Variants in HCRTR2 observed in about 807,000 individuals in gnomAD.
HCRTR2 encodes orexin receptor type 2.
A neutral mutation model predicts 49.0 loss-of-function variants in HCRTR2; 22 were observed. That is an observed-to-expected ratio of 0.45 (90% CI 0.32 to 0.64). HCRTR2 has a LOEUF of 0.64. Ranked by LOEUF, HCRTR2 falls within the 30% of genes least tolerant of loss-of-function variation. The pLI, the probability that HCRTR2 is intolerant of heterozygous loss-of-function variation, is 0.04. For synonymous variants in HCRTR2, 236 were observed against 205.3 expected (o/e 1.15, Z -1.28); for missense variants, 491 against 559.4 (o/e 0.88, Z 1.23).
chr6:55,206,880 G>GT (rs1361116655), intron 1 of HCRTR2, among the ~76,000 whole-genome samples: 1 of 151,996 alleles, frequency 6.6e-6, no homozygotes, highest in Non-Finnish European at 1.5e-5. Context: ...TTGACTTAGT[G>GT]TAAGTTTCCA....
chr6:55,140,035 GCATCT>G (rs1415628238), intron 1 of HCRTR2, among the ~76,000 whole-genome samples: 1 of 152,134 alleles, frequency 6.6e-6, no homozygotes, highest in Non-Finnish European at 1.5e-5. Context: ...TGACAAAGCT[GCATCT>G]CGGGATATGA....
chr6:55,208,654 T>C (rs566000285), intron 1 of HCRTR2, among the ~76,000 whole-genome samples: 5 of 152,334 alleles, frequency 3.3e-5, no homozygotes, highest in African/African-American at 9.6e-5. Flanking sequence ...TCTGCTCTGA[T>C]TCATGTGGAT....
chr6:55,209,499 G>T (rs1765660295), intron 1 of HCRTR2, among the ~76,000 whole-genome samples: 1 of 151,956 alleles, frequency 6.6e-6, no homozygotes, highest in Non-Finnish European at 1.5e-5. Flanking sequence ...ATTTTTTCAT[G>T]GTGTGTGTTT....
chr6:55,174,387 C>T (rs200530669), upstream of HCRTR2: 182 of 620,436 alleles, frequency 2.9e-4, no homozygotes, highest in Admixed American at 8.2e-4. Context: ...GCAACATCGC[C>T]TGTAAAGACA....
chr6:55,149,940 C>A (rs976052845), intron 1 of HCRTR2, among the ~76,000 whole-genome samples: 3 of 151,980 alleles, frequency 2.0e-5, no homozygotes, highest in Admixed American at 6.6e-5. Context: ...AAATTCTAAT[C>A]AATGTTTTTT....
intron 1 of HCRTR2, among the ~76,000 whole-genome samples, chr6:55,116,218 T>C (rs1764114023): frequency 6.6e-6 from 1 of 151,702 alleles, no homozygotes; most frequent in African/African-American, 2.4e-5. Context: ...TTATAAGAAA[T>C]GGCCAGTAAA....
upstream of HCRTR2, among the ~76,000 whole-genome samples, chr6:55,172,737 T>C (rs527723567): frequency 1.3e-5 from 2 of 151,752 alleles, no homozygotes; most frequent in South Asian, 4.1e-4. Flanking sequence ...GGGTTAGTAA[T>C]AGCTAAGCCC....
chr6:55,118,949 C>T (rs953210091), intron 1 of HCRTR2, among the ~76,000 whole-genome samples: 1 of 151,878 alleles, frequency 6.6e-6, no homozygotes, highest in Non-Finnish European at 1.5e-5. Flanking sequence ...CCCCCAACCC[C>T]CTAACAGGCT....
intron 1 of HCRTR2, among the ~76,000 whole-genome samples, chr6:55,107,484 T>A (rs1015078658): frequency 3.3e-5 from 5 of 152,136 alleles, no homozygotes; most frequent in Non-Finnish European, 7.4e-5. Flanking sequence ...GCATAAGTAC[T>A]TACTTACTAT....
intron 1 of HCRTR2, among the ~76,000 whole-genome samples, chr6:55,196,395 A>G (rs1227289397): frequency 2.0e-5 from 3 of 152,208 alleles, no homozygotes; most frequent in African/African-American, 7.2e-5. Context: ...TGTGGGAGAT[A>G]AATGAACTTT....
At chr6:55,147,069 A>G (rs2127256155) in intron 1 of HCRTR2, among the ~76,000 whole-genome samples, 1 of 152,328 alleles carries the variant, frequency 6.6e-6, no homozygotes, top group Non-Finnish European at 1.5e-5. Context: ...GGGAGCTATC[A>G]GCTTAGGGGA....
At chr6:55,275,019 T>C (rs1341048771) in intron 4 of HCRTR2, among the ~76,000 whole-genome samples, 1 of 152,188 alleles carries the variant, frequency 6.6e-6, no homozygotes, top group Non-Finnish European at 1.5e-5. Context: ...GTCATCTTTG[T>C]CTTTCAAGGG....
chr6:55,239,683 C>A (rs1766283836), intron 1 of HCRTR2, among the ~76,000 whole-genome samples: 1 of 152,022 alleles, frequency 6.6e-6, no homozygotes, highest in Admixed American at 6.6e-5. Flanking sequence ...AAATATTTGT[C>A]CAATTAGAGA....
intron 1 of HCRTR2, among the ~76,000 whole-genome samples, chr6:55,214,766 A>G (rs1765758984): frequency 6.6e-6 from 1 of 152,122 alleles, no homozygotes; most frequent in African/African-American, 2.4e-5. Flanking sequence ...AAAAAGAATC[A>G]AACAAAATTT....
intron 4 of HCRTR2, among the ~76,000 whole-genome samples, chr6:55,265,724 C>A (rs571063145): frequency 6.6e-6 from 1 of 152,120 alleles, no homozygotes; most frequent in African/African-American, 2.4e-5. Flanking sequence ...ATACAGAAGT[C>A]AAAAACACAA....
chr6:55,252,935 A>G (rs902932103), intron 2 of HCRTR2, among the ~76,000 whole-genome samples: 3 of 152,076 alleles, frequency 2.0e-5, no homozygotes, highest in African/African-American at 7.2e-5. Flanking sequence ...CAGCCCTGGA[A>G]TAGACATTTT....
intron 1 of HCRTR2, among the ~76,000 whole-genome samples, chr6:55,176,846 G>T (rs1765048761): frequency 6.6e-6 from 1 of 152,130 alleles, no homozygotes; most frequent in Non-Finnish European, 1.5e-5. Context: ...TACAATGAGG[G>T]ATTAATGGCA....
intron 1 of HCRTR2, among the ~76,000 whole-genome samples, chr6:55,182,422 T>C (rs553360148): frequency 3.5e-4 from 54 of 152,342 alleles, no homozygotes; most frequent in Non-Finnish European, 1.5e-4. Flanking sequence ...TCTCTTCTTC[T>C]GGAGGAAGTA....
chr6:55,116,724 A>AAAAAAC lies in HCRTR2; in HGVS notation c.-378+10183_-378+10184insACAAAA, dbSNP rs372864594. On this transcript the variant is annotated intron_variant, in intron 1 of 7. Coordinates refer to the HCRTR2 transcript ENST00000615358. Reference sequence around the variant, plus strand: ...ACTGTAAAGAGAGAGAGAAAAAAAAAAAAACTCTTATTCCAGTGGCAACAG... The same window carrying AAAAAAC: ...ACTGTAAAGAGAGAGAGAAAAAAAAAAAAAACAAAACTCTTATTCCAGTGGCAACAG... Among the ~76,000 whole-genome samples the AAAAAAC allele has an allele frequency of 7.8e-4, 113 of 144,216 alleles. 2 individuals carry two copies. The highest frequency in any genetic ancestry group is 5.9e-3 in the East Asian group (29 of 4,874). The allele number at this position is 144,216 out of a possible 152,430, so 94.6% of individuals were successfully genotyped here. A position where few individuals can be genotyped will look rare whatever the true frequency, so the allele number is the denominator to read the frequency against.
Sources: allele counts gnomAD v4.1 joint callset (sites outside exome capture counted in the v4.1 genomes callset), GRCh38; gene constraint gnomAD v4.1.1; transcripts MANE v1.5; gene names NCBI Gene and HGNC (gene_info 2026-07-23, HGNC 2026-07-21).